The following NXN variants were observed in gnomAD, a reference collection of about 807,000 sequenced individuals.
NXN encodes the protein nucleoredoxin, also known as nucleoredoxin 1.
NXN carries 16 observed loss-of-function variants against 48.6 expected under a neutral mutation model. That is an observed-to-expected ratio of 0.33 (90% CI 0.22 to 0.50). The LOEUF (loss-of-function observed/expected upper bound fraction) is 0.50. Among genes scored for constraint, NXN ranks in the 20% least tolerant of loss-of-function variants. The pLI is 0.98. For synonymous variants in NXN, 281 were observed against 269.6 expected (o/e 1.04, Z -0.41); for missense variants, 492 against 605.5 (o/e 0.81, Z 1.97).
At chr17:943,780 G>A (rs759256570) in intron 1 of NXN, among the ~76,000 whole-genome samples, 13 of 151,700 alleles carry the variant, frequency 8.6e-5, no homozygotes, top group South Asian at 2.1e-4. Context: ...AGCCGAGATC[G>A]CGCCACTGCA....
At chr17:884,904 A>C (rs1376239179) in intron 1 of NXN, among the ~76,000 whole-genome samples, 1 of 152,208 alleles carries the variant, frequency 6.6e-6, no homozygotes, top group East Asian at 1.9e-4. Context: ...GAGCTAAAGA[A>C]AGTGTGGGCT....
chr17:927,186 G>A (rs1035708417), intron 1 of NXN, among the ~76,000 whole-genome samples: 2 of 151,444 alleles, frequency 1.3e-5, no homozygotes. Context: ...GGTGGCAGGC[G>A]CCTGTAGACC....
chr17:842,771 T>G (rs1042880815), intron 1 of NXN, among the ~76,000 whole-genome samples: 4 of 152,114 alleles, frequency 2.6e-5, no homozygotes, highest in Non-Finnish European at 4.4e-5. Context: ...AACCCCCGTC[T>G]CTACCAAAAA....
rs1298846411 is a variant in NXN at position 958,977 on chromosome 17, C to T, written c.360+20342G>A. ...CACATACACACACACACACACGATA[C>T]GAGTTCTTTCATCTTGCAAGAAAGA... On this transcript the variant is annotated intron_variant, in intron 1 of 7. Transcript: ENST00000336868. This position sits in a 1 kb window ranked among gnomAD's most constrained non-coding sequence, Gnocchi z 6.9. 5.3e-6 allele frequency: 1 copy of T among 189,298 alleles called. No individual in the cohort carries two copies. The allele number at this position is 189,298 out of a possible 1,614,324, so 11.7% of individuals were successfully genotyped here.
At chr17:929,415 T>G (rs1268109408) in intron 1 of NXN, among the ~76,000 whole-genome samples, 1 of 152,242 alleles carries the variant, frequency 6.6e-6, no homozygotes, top group Non-Finnish European at 1.5e-5. Context: ...TTTTGCAGGT[T>G]TAGCTCCTGT....
At position 799,504 on chromosome 17, in the gene NXN, G is replaced by C. The variant is rs1911091201; in HGVS notation, c.*1445C>G. On this transcript the variant is annotated 3_prime_UTR_variant, in exon 8 of 8. Transcript: ENST00000336868. The stretch of plus-strand genomic sequence containing the variant: ...CAACAGTGTCAACAGCTCATTAGCG[G>C]GTGGGGACCGGATTTTCCAAATCAA... 1 of 152,310 alleles carries C rather than the reference G, an allele frequency of 6.6e-6. No individual in the cohort carries two copies. The highest frequency in any genetic ancestry group is 2.4e-5 in the African/African-American group (1 of 41,460). 9.4% of individuals were successfully genotyped at this position (152,310 alleles called of 1,614,324 possible). A position where few individuals can be genotyped will look rare whatever the true frequency, so the allele number is the denominator to read the frequency against.
intron 1 of NXN, among the ~76,000 whole-genome samples, chr17:883,327 C>T (rs1473919685): frequency 1.3e-5 from 2 of 152,178 alleles, no homozygotes; most frequent in Non-Finnish European, 2.9e-5. Context: ...ACCCTGTTCA[C>T]AGAGGCCTCT....
At chr17:955,520 G>C (rs1048783440) in intron 1 of NXN, among the ~76,000 whole-genome samples, 1 of 151,514 alleles carries the variant, frequency 6.6e-6, no homozygotes, top group African/African-American at 2.4e-5. Context: ...GACACTGGTT[G>C]GACTTCTTTT....
At chr17:892,335 C>T (rs2068431976) in intron 1 of NXN, among the ~76,000 whole-genome samples, 1 of 152,198 alleles carries the variant, frequency 6.6e-6, no homozygotes, top group African/African-American at 2.4e-5. Context: ...TGGACTCAGA[C>T]CTCATGTTCT....
intron 4 of NXN, among the ~76,000 whole-genome samples, chr17:819,974 A>T (rs1195276165): frequency 6.6e-6 from 1 of 152,180 alleles, no homozygotes; most frequent in East Asian, 1.9e-4. Flanking sequence ...CCATGTAAAA[A>T]ACCCTAGGAA....
chr17:809,990 G>C (rs1327249747), intron 5 of NXN, among the ~76,000 whole-genome samples: 2 of 149,996 alleles, frequency 1.3e-5, no homozygotes, highest in Non-Finnish European at 3.0e-5. Flanking sequence ...TCTGTGAGTG[G>C]CGTGTACGTT....
chr17:836,963 C>CTATTATTATTAT (rs5818770), intron 1 of NXN, among the ~76,000 whole-genome samples: 1,516 of 144,906 alleles, frequency 0.01, 19 homozygotes, highest in African/African-American at 0.031. Flanking sequence ...AGCTTAGTTG[C>CTATTATTATTAT]TATTATTATT....
At chr17:962,739 C>G (rs574404076) in intron 1 of NXN, among the ~76,000 whole-genome samples, 1 of 152,172 alleles carries the variant, frequency 6.6e-6, no homozygotes. Context: ...GTGCCCGGCA[C>G]GGAGAAGGCT....
chr17:852,144 C>A (rs2067930255), intron 1 of NXN, among the ~76,000 whole-genome samples: 1 of 152,236 alleles, frequency 6.6e-6, no homozygotes, highest in Non-Finnish European at 1.5e-5. Context: ...CCGGCCAAGG[C>A]CCCGCAGCCT....
chr17:936,759 C>T (rs78220806), intron 1 of NXN, among the ~76,000 whole-genome samples: 2,214 of 138,172 alleles, frequency 0.016, 57 homozygotes, highest in African/African-American at 0.056. Flanking sequence ...AACTTGCAAA[C>T]GCATACGAGA....
chr17:872,995 C>G (rs1455782760), intron 1 of NXN, among the ~76,000 whole-genome samples: 1 of 152,100 alleles, frequency 6.6e-6, no homozygotes, highest in Admixed American at 6.6e-5. Context: ...CTCATCCAAC[C>G]CACTGAAGTC....
At chr17:867,384 G>A (rs2068105186) in intron 1 of NXN, among the ~76,000 whole-genome samples, 1 of 151,904 alleles carries the variant, frequency 6.6e-6, no homozygotes, top group East Asian at 1.9e-4. Context: ...TCTCCAGCAT[G>A]GTCAGCAAGT....
chr17:947,127 C>T (rs144420229), intron 1 of NXN, among the ~76,000 whole-genome samples: 1 of 152,258 alleles, frequency 6.6e-6, no homozygotes, highest in African/African-American at 2.4e-5. Flanking sequence ...GATCATGCAC[C>T]GGCAGCGTCC....
At chr17:872,223 GGAGAGAGA>G (rs369488047) in intron 1 of NXN, among the ~76,000 whole-genome samples, 1 of 149,238 alleles carries the variant, frequency 6.7e-6, no homozygotes, top group Non-Finnish European at 1.5e-5. Context: ...GGGGAGAGAG[GGAGAGAGA>G]GAGAGACGGA....
Sources: gnomAD v4.1 joint callset for allele counts (sites outside exome capture counted in the v4.1 genomes callset) on GRCh38, gnomAD v4.1.1 for gene constraint, Gnocchi (gnomAD v3.1) non-coding constraint, MANE v1.5 for transcripts, NCBI Gene and HGNC (gene_info 2026-07-23, HGNC 2026-07-21) for gene names.